Variants in MTHFD1L observed in about 807,000 individuals in gnomAD.
MTHFD1L encodes the protein methylenetetrahydrofolate dehydrogenase (NADP+ dependent) 1 like, also known as monofunctional C1-tetrahydrofolate synthase, mitochondrial.
MTHFD1L carries 81 observed loss-of-function variants against 119.5 expected under a neutral mutation model. The ratio of observed to expected loss-of-function variants is 0.68; its 90% confidence interval spans 0.57 to 0.82. The LOEUF is 0.82. Among genes scored for constraint, MTHFD1L ranks in the 40% least tolerant of loss-of-function variants. The probability of loss-of-function intolerance (pLI) is 0.00; values close to 1 mark genes in which losing one functional copy is unlikely to be tolerated. For missense variants in MTHFD1L, 1,125 were observed against 1,253.4 expected, an observed-to-expected ratio of 0.90 and a Z score of 1.55; for synonymous variants, 430 against 475.2, an observed-to-expected ratio of 0.90 and a Z score of 1.24.
chr6:151,009,723 T>C, intron 20 of MTHFD1L, 96 bp from the exon 21 acceptor site: 1 of 1,340,470 alleles, frequency 7.5e-7, no homozygotes, highest in Non-Finnish European at 1.1e-6. Flanking sequence ...AAAAGGAATG[T>C]AAGCTGTCCT....
chr6:151,051,911 C>T (rs1316086544), intron 26 of MTHFD1L, among the ~76,000 whole-genome samples: 3 of 152,166 alleles, frequency 2.0e-5, no homozygotes, highest in Non-Finnish European at 4.4e-5. Context: ...GGGACTGAGG[C>T]GGGAGGCCTG....
At chr6:151,083,717 A>C (rs1020676658) in intron 26 of MTHFD1L, among the ~76,000 whole-genome samples, 2 of 152,100 alleles carry the variant, frequency 1.3e-5, no homozygotes, top group African/African-American at 2.4e-5. Context: ...TAAATATGTT[A>C]CTTTGACTAA....
intron 24 of MTHFD1L, among the ~76,000 whole-genome samples, chr6:151,031,380 C>T (rs114501050): frequency 0.012 from 1,825 of 152,318 alleles, 30 homozygotes; most frequent in African/African-American, 0.041. Context: ...ATTGCATGAG[C>T]TTTTGCTGCA....
At chr6:150,901,168 G>T (rs989792321) in intron 7 of MTHFD1L, among the ~76,000 whole-genome samples, 8 of 151,928 alleles carry the variant, frequency 5.3e-5, no homozygotes, top group African/African-American at 1.9e-4. Flanking sequence ...TCATGGACAT[G>T]CCCTGTCTGA....
intron 20 of MTHFD1L, among the ~76,000 whole-genome samples, chr6:150,992,558 G>A (rs1306334489): frequency 6.6e-6 from 1 of 152,202 alleles, no homozygotes; most frequent in East Asian, 1.9e-4. Flanking sequence ...CCATTTCAGG[G>A]TGGGGAAGGA....
Position 150,872,789 on chromosome 6 carries a change from G to A in MTHFD1L, c.228-3301G>A, listed in dbSNP as rs539630268. On this transcript the variant is annotated intron_variant, in intron 1 of 27. Transcript: ENST00000367321. ...AAGCAAAGCACAAAAAATGATGTAT[G>A]CCTGTATTTTTTTTTCTATCCACAT... Among the ~76,000 whole-genome samples the A allele has an allele frequency of 8.6e-5, 13 of 151,282 alleles. No homozygotes were observed. The East Asian group carries it at 1.8e-3, about 21-fold the overall frequency.
chr6:151,006,482 T>C (rs1455574177), intron 20 of MTHFD1L, among the ~76,000 whole-genome samples: 1 of 152,070 alleles, frequency 6.6e-6, no homozygotes, highest in Non-Finnish European at 1.5e-5. Context: ...CCTTGACTTT[T>C]ATATTAAGGC....
intron 13 of MTHFD1L, among the ~76,000 whole-genome samples, chr6:150,939,866 G>A (rs1792802322): frequency 6.6e-6 from 1 of 151,820 alleles, no homozygotes; most frequent in Non-Finnish European, 1.5e-5. Flanking sequence ...TTGTATTTTA[G>A]TAGAGACGGG....
chr6:150,975,793 A>T (rs942697493), intron 20 of MTHFD1L, among the ~76,000 whole-genome samples: 1 of 152,080 alleles, frequency 6.6e-6, no homozygotes. Context: ...ACGTCCTCAC[A>T]CTTTTGGCAG....
intron 19 of MTHFD1L, among the ~76,000 whole-genome samples, chr6:150,970,352 G>A (rs986467823): frequency 2.0e-5 from 3 of 152,176 alleles, no homozygotes; most frequent in Admixed American, 6.5e-5. Context: ...CAGGTTAGCC[G>A]TGTGTGGTGT....
intron 20 of MTHFD1L, 152 bp downstream of exon 20, chr6:150,972,210 G>C (rs1019062628): frequency 1.5e-6 from 1 of 686,224 alleles, no homozygotes; most frequent in South Asian, 1.9e-5. Flanking sequence ...AAGCCCTAAG[G>C]TCTGGTCTAT....
At chr6:151,095,637 G>GCA (rs1014374828) in intron 27 of MTHFD1L, among the ~76,000 whole-genome samples, 1 of 152,214 alleles carries the variant, frequency 6.6e-6, no homozygotes, top group African/African-American at 2.4e-5. Context: ...GGCCTGCAGG[G>GCA]CAGGACACAG....
At chr6:150,906,411 G>A (rs560201455) in intron 8 of MTHFD1L, among the ~76,000 whole-genome samples, 29 of 152,352 alleles carry the variant, frequency 1.9e-4, no homozygotes, top group Admixed American at 1.6e-3. Context: ...CAGCAGCCCC[G>A]GGTCCAGCAG....
chr6:151,011,813 A>G (rs1341439820), intron 21 of MTHFD1L, among the ~76,000 whole-genome samples: 4 of 152,018 alleles, frequency 2.6e-5, no homozygotes, highest in Non-Finnish European at 2.9e-5. Flanking sequence ...CTGTAATCCC[A>G]GCACTTTGGA....
At chr6:150,935,829 CA>C (rs1791956084) in intron 11 of MTHFD1L, among the ~76,000 whole-genome samples, 2 of 151,986 alleles carry the variant, frequency 1.3e-5, no homozygotes, top group Admixed American at 6.6e-5. Context: ...GTAAATTGAT[CA>C]GAACACAGTT....
chr6:151,048,973 A>C (rs1788548975), intron 26 of MTHFD1L, among the ~76,000 whole-genome samples: 1 of 152,176 alleles, frequency 6.6e-6, no homozygotes, highest in Non-Finnish European at 1.5e-5. Flanking sequence ...GATCCCACAG[A>C]TTGACGGCTC....
chr6:150,931,842 C>T (rs996973302), intron 11 of MTHFD1L, among the ~76,000 whole-genome samples: 7 of 152,150 alleles, frequency 4.6e-5, no homozygotes, highest in Admixed American at 1.3e-4. Flanking sequence ...ACTGTAACTG[C>T]CAATAAGTAA....
rs139593487 is a variant in MTHFD1L, at chr6:150,949,011, T to A, written c.1624-20T>A. 4.9e-4 allele frequency: 785 copies of A among 1,595,040 alleles called. No individual in the cohort carries two copies. The Middle Eastern group carries it at 0.011, about 23-fold the overall frequency. On this transcript the variant is annotated intron_variant, in intron 15 of 27. Coordinates refer to ENST00000367321, the MANE Select transcript of MTHFD1L (RefSeq NM_015440.5). ...CTGTTTCTTCTCAAACTTCTCACCT[T>A]TTTTCTTCTTAATCATTAGAAACTG...
At chr6:151,041,763 TTG>T in intron 26 of MTHFD1L, 1 of 391,670 alleles carries the variant, frequency 2.6e-6, no homozygotes, top group Admixed American at 2.7e-5. Flanking sequence ...GCCCCTCTTG[TTG>T]TGTCCTCAAG....
Sources: allele counts gnomAD v4.1 joint callset (sites outside exome capture counted in the v4.1 genomes callset), GRCh38; gene constraint gnomAD v4.1.1; transcripts MANE v1.5; gene names NCBI Gene and HGNC (gene_info 2026-07-23, HGNC 2026-07-21).